Variants in KCNH8 observed in about 807,000 individuals in gnomAD.
KCNH8 encodes voltage-gated delayed rectifier potassium channel KCNH8.
In KCNH8, 70 loss-of-function variants were observed where a neutral mutation model predicts 103.6. That is an observed-to-expected ratio of 0.68 (90% CI 0.56 to 0.82). The LOEUF is 0.82. Among genes scored for constraint, KCNH8 ranks in the 40% least tolerant of loss-of-function variants. The pLI, the probability that KCNH8 is intolerant of heterozygous loss-of-function variation, is 0.00. For missense variants in KCNH8, 1,217 were observed against 1,329.9 expected (o/e 0.92, Z 1.32); for synonymous variants, 498 against 489.4 (o/e 1.02, Z -0.23).
intron 5 of KCNH8, among the ~76,000 whole-genome samples, chr3:19,358,913 GA>G (rs569882915): frequency 0.012 from 1,727 of 145,594 alleles, 36 homozygotes; most frequent in African/African-American, 0.041. Context: ...AAAACAACCA[GA>G]AAAAAAAACC....
rs189994732 is a variant in KCNH8, at chr3:19,247,996, A to G, written c.77-5658A>G. On this transcript the variant is annotated intron_variant, in intron 1 of 15. Coordinates refer to ENST00000328405, the MANE Select transcript of KCNH8 (RefSeq NM_144633.3). ...TAGTAGTATACTAAATGATATGCAC[A>G]AGTCATAGTAGAAACAGCACAACCT... is the stretch of plus-strand genomic sequence containing the variant. Among the ~76,000 whole-genome samples, 534 of 152,318 alleles carry G rather than the reference A, an allele frequency of 3.5e-3. 3 individuals are homozygous for G. The highest frequency in any genetic ancestry group is 0.012 in the African/African-American group (493 of 41,580).
At chr3:19,436,895 G>A (rs1477135618) in intron 7 of KCNH8, among the ~76,000 whole-genome samples, 1 of 152,132 alleles carries the variant, frequency 6.6e-6, no homozygotes, top group African/African-American at 2.4e-5. Flanking sequence ...ACCCTCTTTA[G>A]CAAGCCCTCT....
chr3:19,226,305 A>C (rs1195211550), intron 1 of KCNH8, among the ~76,000 whole-genome samples: 2 of 152,198 alleles, frequency 1.3e-5, no homozygotes, highest in African/African-American at 2.4e-5. Context: ...ATGTGTATAC[A>C]TGTGGATAAA....
chr3:19,344,920 G>C lies in KCNH8; in HGVS notation c.570+2206G>C, dbSNP rs375271140. On this transcript the variant is annotated intron_variant, in intron 4 of 15. Transcript: ENST00000328405. ...ACAACTTATTAGAAGCAGCAGTTGT[G>C]GTACCCAACCTTTAATCTTCTAATT... Among the ~76,000 whole-genome samples, 27 of 152,136 alleles carry C rather than the reference G, an allele frequency of 1.8e-4. 1 individual carries two copies. Among genetic ancestry groups the C allele is most frequent in the African/African-American group, 6.3e-4 (26 of 41,534 alleles).
At chr3:19,482,205 T>G (rs1335914292) in intron 11 of KCNH8, among the ~76,000 whole-genome samples, 2 of 152,216 alleles carry the variant, frequency 1.3e-5, no homozygotes, top group Admixed American at 1.3e-4. Flanking sequence ...ATACAATGTC[T>G]ATAATCTATA....
At chr3:19,258,981 A>G (rs1354876983) in intron 2 of KCNH8, among the ~76,000 whole-genome samples, 8 of 123,412 alleles carry the variant, frequency 6.5e-5, no homozygotes, top group Non-Finnish European at 1.4e-4. Context: ...ATATATATAT[A>G]TCTGGAAATA....
chr3:19,173,706 AT>A (rs2063370389), intron 1 of KCNH8, among the ~76,000 whole-genome samples: 1 of 152,138 alleles, frequency 6.6e-6, no homozygotes, highest in Non-Finnish European at 1.5e-5. Flanking sequence ...GCTACTCATA[AT>A]TTATTTTTTA....
intron 1 of KCNH8, among the ~76,000 whole-genome samples, chr3:19,182,472 CGTGA>C (rs1352952188): frequency 6.6e-6 from 1 of 152,044 alleles, no homozygotes; most frequent in Admixed American, 6.5e-5. Context: ...CAGAGCTTGC[CGTGA>C]GCCAAGATCG....
intron 5 of KCNH8, among the ~76,000 whole-genome samples, chr3:19,350,164 G>A (rs892162742): frequency 1.3e-5 from 2 of 151,880 alleles, no homozygotes; most frequent in Non-Finnish European, 2.9e-5. Context: ...ATATTTCTCT[G>A]TTTCCCTAAA....
intron 3 of KCNH8, among the ~76,000 whole-genome samples, chr3:19,301,204 T>C (rs919814329): frequency 6.6e-6 from 1 of 151,770 alleles, no homozygotes; most frequent in African/African-American, 2.4e-5. Flanking sequence ...CTATAAGGTC[T>C]CTGTATCACA....
chr3:19,320,720 TC>T (rs1456332953), intron 3 of KCNH8, among the ~76,000 whole-genome samples: 1 of 152,046 alleles, frequency 6.6e-6, no homozygotes. Flanking sequence ...GATTCCCTCT[TC>T]CTCTGTCTTT....
At chr3:19,238,237 A>G (rs1419896229) in intron 1 of KCNH8, among the ~76,000 whole-genome samples, 2 of 152,218 alleles carry the variant, frequency 1.3e-5, no homozygotes, top group Admixed American at 1.3e-4. Flanking sequence ...TACTAGACAG[A>G]GTTATGTTCA....
intron 11 of KCNH8, among the ~76,000 whole-genome samples, chr3:19,473,816 T>G (rs932148801): frequency 2.0e-5 from 3 of 152,198 alleles, no homozygotes; most frequent in African/African-American, 7.2e-5. Context: ...AGAACATAAG[T>G]GAAAGAAGCA....
At chr3:19,426,459 A>C (rs902659710) in intron 7 of KCNH8, among the ~76,000 whole-genome samples, 2 of 151,516 alleles carry the variant, frequency 1.3e-5, no homozygotes, top group African/African-American at 4.9e-5. Context: ...GATATCCCCA[A>C]ACCACTCAGA....
intron 7 of KCNH8, among the ~76,000 whole-genome samples, chr3:19,430,336 T>C (rs904244335): frequency 2.0e-5 from 3 of 152,316 alleles, no homozygotes; most frequent in African/African-American, 7.2e-5. Context: ...GTGCCTATTC[T>C]TGTACTAGTG....
chr3:19,525,989 G>A (rs891108951), intron 15 of KCNH8, among the ~76,000 whole-genome samples: 3 of 151,888 alleles, frequency 2.0e-5, no homozygotes, highest in Admixed American at 2.0e-4. Context: ...TATGCCAATC[G>A]TCTTTTTTGT....
At chr3:19,327,148 T>C (rs1055220673) in intron 3 of KCNH8, among the ~76,000 whole-genome samples, 15 of 152,298 alleles carry the variant, frequency 9.8e-5, no homozygotes, top group African/African-American at 3.6e-4. Context: ...TCACACACAG[T>C]CTTTTCTGCC....
chr3:19,291,000 A>C (rs1400560328), intron 3 of KCNH8, among the ~76,000 whole-genome samples: 1 of 152,122 alleles, frequency 6.6e-6, no homozygotes, highest in East Asian at 1.9e-4. Context: ...GAATTTATCC[A>C]TTTCTTCCAG....
intron 2 of KCNH8, among the ~76,000 whole-genome samples, chr3:19,256,763 C>G (rs2064352147): frequency 6.6e-6 from 1 of 152,080 alleles, no homozygotes. Flanking sequence ...TCAGATGTCT[C>G]TGCAGCCTTA....
Sources: allele counts gnomAD v4.1 joint callset (sites outside exome capture counted in the v4.1 genomes callset), GRCh38; gene constraint gnomAD v4.1.1; transcripts MANE v1.5; gene names NCBI Gene and HGNC (gene_info 2026-07-23, HGNC 2026-07-21).